The following QDPR variants were observed in gnomAD, a reference collection of about 807,000 sequenced individuals.
QDPR encodes the protein dihydropteridine reductase.
Under a neutral mutation model 31.7 loss-of-function variants are expected in QDPR, and 23 were observed. That is an observed-to-expected ratio of 0.73 (90% confidence interval 0.52 to 1.03). QDPR has a LOEUF of 1.03. QDPR is among the 50% of genes least tolerant of loss of function. QDPR has a pLI of 0.00. For missense variants in QDPR, 324 were observed against 323.8 expected, an observed-to-expected ratio of 1.00 and a Z score of 0.00; for synonymous variants, 124 against 124.7, an observed-to-expected ratio of 0.99 and a Z score of 0.03.
chr4:17,490,777 T>G (rs756080491), intron 5 of QDPR, 32 bp from the exon 6 acceptor site: 4 of 1,572,950 alleles, frequency 2.5e-6, no homozygotes, highest in Non-Finnish European at 3.5e-6. Context: ...ACGTCATTCA[T>G]GTCGCTCCTT....
At chr4:17,490,264 T>C (rs201059259) in intron 6 of QDPR, 1 of 300,706 alleles carries the variant, frequency 3.3e-6, no homozygotes, top group East Asian at 7.7e-5. Context: ...GGACACAAAC[T>C]GCAGCTGGGG....
chr4:17,504,977 C>A (rs1426391568), intron 2 of QDPR, among the ~76,000 whole-genome samples: 6 of 152,106 alleles, frequency 3.9e-5, no homozygotes, highest in African/African-American at 1.4e-4. Context: ...TAAGAAAAAT[C>A]ATGAGCCAAG....
intron 6 of QDPR, chr4:17,490,362 A>G (rs1263972924): frequency 5.1e-6 from 2 of 392,038 alleles, no homozygotes; most frequent in Admixed American, 7.2e-5. Flanking sequence ...GATGGACCTC[A>G]TGATACAGGT....
chr4:17,492,010 G>A (rs879695789), intron 5 of QDPR, among the ~76,000 whole-genome samples: 1 of 152,318 alleles, frequency 6.6e-6, no homozygotes. Context: ...CCAGAACTGT[G>A]AGCAATACAT....
chr4:17,511,842 G>C (rs977306953), intron 1 of QDPR, 108 bp downstream of exon 1: 4 of 1,093,866 alleles, frequency 3.7e-6, no homozygotes. Flanking sequence ...ACGAGTCAGG[G>C]GGTGCACAGG....
rs190771991 is a variant in QDPR, at chr4:17,510,196, G to A, written c.106-833C>T. Among the ~76,000 whole-genome samples the A allele has an allele frequency of 1.2e-3, 184 of 152,308 alleles. 1 individual carries two copies. The Middle Eastern group carries it at 0.02, about 17-fold the overall frequency. ...GGCAGACCAGATTCAGCTCACAAAGGATCCCTGTCCTGCAGCAGAGAGGGA... is the reference window on the plus strand; with the variant it reads ...GGCAGACCAGATTCAGCTCACAAAGAATCCCTGTCCTGCAGCAGAGAGGGA... On this transcript the variant is annotated intron_variant, in intron 1 of 6. Coordinates refer to ENST00000281243, the MANE Select transcript of QDPR (RefSeq NM_000320.3).
chr4:17,495,925 C>CT (rs1718334560), intron 4 of QDPR, among the ~76,000 whole-genome samples: 1 of 152,012 alleles, frequency 6.6e-6, no homozygotes, highest in Admixed American at 6.6e-5. Flanking sequence ...GGAAAGACGG[C>CT]TGGAGCCCCC....
chr4:17,504,728 T>C (rs1409719157), intron 2 of QDPR, among the ~76,000 whole-genome samples: 1 of 151,878 alleles, frequency 6.6e-6, no homozygotes, highest in Non-Finnish European at 1.5e-5. Flanking sequence ...GGTAGAGACA[T>C]GAGCATCCCT....
At chr4:17,504,318 A>G in intron 3 of QDPR, 61 bp downstream of exon 3, 2 of 1,490,928 alleles carry the variant, frequency 1.3e-6, no homozygotes. Context: ...TGCAAACCCA[A>G]TCCTTGTCAG....
chr4:17,504,290 A>T, intron 3 of QDPR, 89 bp downstream of exon 3: 2 of 1,095,124 alleles, frequency 1.8e-6, no homozygotes, highest in South Asian at 2.6e-5. Flanking sequence ...ACAAAAAAAC[A>T]GCTGGCCTGT....
chr4:17,496,737 G>C (rs1718375231), intron 4 of QDPR, among the ~76,000 whole-genome samples: 1 of 150,878 alleles, frequency 6.6e-6, no homozygotes, highest in African/African-American at 2.4e-5. Flanking sequence ...CAGGGCTCAA[G>C]CAATCCTCCC....
intron 4 of QDPR, among the ~76,000 whole-genome samples, chr4:17,494,385 T>C (rs1212911758): frequency 6.6e-6 from 1 of 152,144 alleles, no homozygotes; most frequent in African/African-American, 2.4e-5. Flanking sequence ...CTCATTACCA[T>C]GCTACAGTCT....
Position 17,490,646 on chromosome 4 carries a change from T to A in QDPR, c.629+16A>T. ...GCTGGAAGCTGCTCAGTCATGGACA[T>A]GTCTGTAATACTCACTCAACTAGGA... On this transcript the variant is annotated intron_variant, in intron 6 of 6. Transcript: ENST00000281243. The A allele has an allele frequency of 6.3e-7, 1 of 1,598,432 alleles. No homozygotes were observed. The highest frequency in any genetic ancestry group is 1.3e-5 in the African/African-American group (1 of 74,670).
At chr4:17,506,481 G>T (rs1718791855) in intron 2 of QDPR, among the ~76,000 whole-genome samples, 1 of 152,172 alleles carries the variant, frequency 6.6e-6, no homozygotes, top group Admixed American at 6.5e-5. Flanking sequence ...CTTTAAGGCA[G>T]CTTAGCATAG....
At chr4:17,510,827 C>G (rs1189166257) in intron 1 of QDPR, among the ~76,000 whole-genome samples, 2 of 152,226 alleles carry the variant, frequency 1.3e-5, no homozygotes, top group African/African-American at 4.8e-5. Flanking sequence ...CACCATGCAT[C>G]TCTGAAGACC....
At chr4:17,509,249 T>G in intron 2 of QDPR, 22 bp downstream of exon 2, 1 of 1,591,852 alleles carries the variant, frequency 6.3e-7, no homozygotes. Context: ...CTCACAATGT[T>G]TGGGGGCCTT....
At chr4:17,499,756 C>T (rs916814663) in intron 4 of QDPR, among the ~76,000 whole-genome samples, 5 of 152,066 alleles carry the variant, frequency 3.3e-5, no homozygotes, top group Non-Finnish European at 7.3e-5. Context: ...CCTGCTTCTA[C>T]AAAAAATACA....
chr4:17,507,194 T>G (rs1718816393), intron 2 of QDPR, among the ~76,000 whole-genome samples: 1 of 152,120 alleles, frequency 6.6e-6, no homozygotes, highest in African/African-American at 2.4e-5. Flanking sequence ...CTGAACTTAT[T>G]AAAGTTCGTA....
At chr4:17,489,077 T>C (rs757981489) in intron 6 of QDPR, among the ~76,000 whole-genome samples, 9 of 152,204 alleles carry the variant, frequency 5.9e-5, no homozygotes, top group African/African-American at 1.7e-4. Context: ...ATGTGCCATG[T>C]TGGTTTGCTG....
Sources: gnomAD v4.1 joint callset for allele counts (sites outside exome capture counted in the v4.1 genomes callset) on GRCh38, gnomAD v4.1.1 for gene constraint, MANE v1.5 for transcripts, NCBI Gene and HGNC (gene_info 2026-07-23, HGNC 2026-07-21) for gene names.